NCOA2: variants seen among roughly 807,000 people sequenced by gnomAD.
NCOA2 encodes nuclear receptor coactivator 2, also known as class E basic helix-loop-helix protein 75.
Under a neutral mutation model 145.1 loss-of-function variants are expected in NCOA2, and 21 were observed. The ratio of observed to expected loss-of-function variants is 0.14; its 90% CI spans 0.10 to 0.21. The LOEUF is 0.21. Among genes scored for constraint, NCOA2 ranks in the 10% least tolerant of loss-of-function variants. The pLI, the probability that NCOA2 is intolerant of heterozygous loss-of-function variation, is 1.00. For missense variants in NCOA2, 1,472 were observed against 1,837.6 expected, an observed-to-expected ratio of 0.80 and a Z score of 3.64; for synonymous variants, 619 against 637.5, an observed-to-expected ratio of 0.97 and a Z score of 0.44.
intron 9 of NCOA2, among the ~76,000 whole-genome samples, chr8:70,161,714 T>C (rs1813031447): frequency 6.6e-6 from 1 of 152,182 alleles, no homozygotes; most frequent in Non-Finnish European, 1.5e-5. Flanking sequence ...TCTGCAAGGA[T>C]GCAGACAACT....
chr8:70,375,269 G>A (rs1382552853), intron 1 of NCOA2, among the ~76,000 whole-genome samples: 6 of 152,158 alleles, frequency 3.9e-5, no homozygotes, highest in Admixed American at 1.3e-4. Context: ...TAGTTAAACT[G>A]ATGCAATAAT....
At chr8:70,315,028 G>A (rs549799559) in intron 1 of NCOA2, among the ~76,000 whole-genome samples, 2 of 152,286 alleles carry the variant, frequency 1.3e-5, no homozygotes, top group South Asian at 4.1e-4. Flanking sequence ...AGGTAAAGAA[G>A]TTTTGACGAG....
intron 11 of NCOA2, among the ~76,000 whole-genome samples, chr8:70,154,711 T>C (rs953185344): frequency 5.3e-5 from 8 of 152,216 alleles, no homozygotes. Flanking sequence ...TCTGTTTTTG[T>C]TTTTTTAATA....
chr8:70,384,320 G>A (rs1471005510), intron 1 of NCOA2, among the ~76,000 whole-genome samples: 1 of 150,898 alleles, frequency 6.6e-6, no homozygotes, highest in Non-Finnish European at 1.5e-5. Flanking sequence ...ACCATTCTTC[G>A]CAAGAGCTTC....
At chr8:70,365,271 G>C (rs1446762348) in intron 1 of NCOA2, among the ~76,000 whole-genome samples, 1 of 152,204 alleles carries the variant, frequency 6.6e-6, no homozygotes, top group Non-Finnish European at 1.5e-5. Context: ...GGTCGAGGCT[G>C]CAGTGAGCCA....
chr8:70,313,359 T>C (rs1355075571), intron 1 of NCOA2, among the ~76,000 whole-genome samples: 2 of 152,190 alleles, frequency 1.3e-5, no homozygotes, highest in Admixed American at 6.5e-5. Context: ...TAACTAATAA[T>C]GTTTAGCAAG....
intron 1 of NCOA2, among the ~76,000 whole-genome samples, chr8:70,344,355 G>C (rs1280996975): frequency 6.6e-6 from 1 of 152,194 alleles, no homozygotes; most frequent in African/African-American, 2.4e-5. Context: ...AGAGTGTGCG[G>C]GGCGGCAGCC....
At chr8:70,448,097 CT>C in the NCOA2 span, among the ~76,000 whole-genome samples, 334 of 148,126 alleles carry the variant, frequency 2.3e-3, 2 homozygotes, top group Middle Eastern at 7.1e-3. Context: ...TTCTAACAGA[CT>C]TTTTTTTTTT....
intron 11 of NCOA2, among the ~76,000 whole-genome samples, chr8:70,153,445 A>T (rs778878095): frequency 7.9e-5 from 12 of 152,210 alleles, no homozygotes; most frequent in Non-Finnish European, 1.3e-4. Context: ...TCTTGTCTGA[A>T]GTTAGTGCAA....
chr8:70,134,021 G>A (rs549565172), intron 15 of NCOA2, among the ~76,000 whole-genome samples: 3 of 152,242 alleles, frequency 2.0e-5, no homozygotes, highest in African/African-American at 7.2e-5. Context: ...AGACCCCTGA[G>A]AGGCAGGTGC....
In NCOA2 at chr8:70,129,121, T is replaced by C. The variant is rs142804915; in HGVS notation, c.3325-141A>G. On this transcript the variant is annotated intron_variant, in intron 16 of 22. Coordinates refer to ENST00000452400, the MANE Select transcript of NCOA2 (RefSeq NM_006540.4). Reference sequence around the variant, plus strand: ...TTATACTTACTACACAAAGGTACCTTTAGAGCTTGACTCCACTTGTCTTTC... The same window carrying C: ...TTATACTTACTACACAAAGGTACCTCTAGAGCTTGACTCCACTTGTCTTTC... The C allele has an allele frequency of 3.6e-4, 302 of 836,716 alleles. 1 individual carries two copies. The East Asian group carries it at 7.2e-3, about 20-fold the overall frequency. The allele number at this position is 836,716 out of a possible 1,614,324, so 51.8% of individuals were successfully genotyped here. A position where few individuals can be genotyped will look rare whatever the true frequency, so the allele number is the denominator to read the frequency against.
At chr8:70,231,868 C>T (rs1283306560) in intron 2 of NCOA2, among the ~76,000 whole-genome samples, 1 of 152,200 alleles carries the variant, frequency 6.6e-6, no homozygotes, top group Non-Finnish European at 1.5e-5. Context: ...AGTTCACCAA[C>T]ATGCAGCTTA....
intron 21 of NCOA2, 34 bp downstream of exon 21, chr8:70,123,850 G>C: frequency 6.5e-7 from 1 of 1,540,894 alleles, no homozygotes; most frequent in South Asian, 1.2e-5. Context: ...GCCGTGATAT[G>C]AAGCCACTGG....
At chr8:70,216,409 A>G (rs1056872167) in intron 3 of NCOA2, among the ~76,000 whole-genome samples, 2 of 152,242 alleles carry the variant, frequency 1.3e-5, no homozygotes, top group Non-Finnish European at 2.9e-5. Flanking sequence ...ACTCAATATT[A>G]TTAAATAAAT....
chr8:70,380,686 G>A (rs1812108205), intron 1 of NCOA2, among the ~76,000 whole-genome samples: 1 of 151,746 alleles, frequency 6.6e-6, no homozygotes, highest in African/African-American at 2.4e-5. Flanking sequence ...ACGCTACCAC[G>A]GAACAAAAAT....
rs190425601 is a variant in NCOA2 at position 70,123,122 on chromosome 8, G to T, written c.4293+762C>A. Among the ~76,000 whole-genome samples the T allele has an allele frequency of 2.7e-3, 414 of 152,260 alleles. 1 individual carries two copies. Among genetic ancestry groups the T allele is most frequent in the African/African-American group, 9.7e-3 (401 of 41,546 alleles). On this transcript the variant is annotated intron_variant, in intron 21 of 22. Transcript: ENST00000452400. Reference sequence around the variant, plus strand: ...TGGCTACTGCTATCTCAAATGCTTTGAGTCTCTCTGCCATCTAGTGAAGTT... The same window carrying T: ...TGGCTACTGCTATCTCAAATGCTTTTAGTCTCTCTGCCATCTAGTGAAGTT...
At chr8:70,138,550 A>T (rs1446633801) in intron 14 of NCOA2, among the ~76,000 whole-genome samples, 1 of 152,218 alleles carries the variant, frequency 6.6e-6, no homozygotes, top group East Asian at 1.9e-4. Context: ...GCAGTTCTAA[A>T]CCTTTAGCAT....
At chr8:70,407,139 T>C (rs2131901200), upstream of NCOA2, among the ~76,000 whole-genome samples, 1 of 152,358 alleles carries the variant, frequency 6.6e-6, no homozygotes, top group South Asian at 2.1e-4. Context: ...CAAAAATCTA[T>C]AGTTCATTCT....
intron 1 of NCOA2, among the ~76,000 whole-genome samples, chr8:70,336,111 C>A (rs1239972861): frequency 4.6e-5 from 7 of 152,030 alleles, no homozygotes; most frequent in Non-Finnish European, 7.4e-5. Flanking sequence ...AACAGGGATA[C>A]CTATGACATT....
Sources: gnomAD v4.1 joint callset for allele counts (sites outside exome capture counted in the v4.1 genomes callset) on GRCh38, gnomAD v4.1.1 for gene constraint, MANE v1.5 for transcripts, NCBI Gene and HGNC (gene_info 2026-07-23, HGNC 2026-07-21) for gene names.